The following OCA2 variants were observed in gnomAD, a reference collection of about 807,000 sequenced individuals.
OCA2 encodes P protein.
OCA2 carries 77 observed loss-of-function variants against 100.2 expected under a neutral mutation model. That is an observed-to-expected ratio of 0.77 (90% CI 0.64 to 0.93). The LOEUF is 0.93. Among genes scored for constraint, OCA2 ranks in the 40% least tolerant of loss-of-function variants. The probability of loss-of-function intolerance (pLI) is 0.00; values close to 1 mark genes in which losing one functional copy is unlikely to be tolerated. For synonymous variants in OCA2, 432 were observed against 439.2 expected, an observed-to-expected ratio of 0.98 and a Z score of 0.21; for missense variants, 1,062 against 1,089.1, an observed-to-expected ratio of 0.98 and a Z score of 0.35.
intron 9 of OCA2, among the ~76,000 whole-genome samples, chr15:28,014,098 C>CT (rs2042315702): frequency 6.6e-6 from 1 of 152,182 alleles, no homozygotes; most frequent in Non-Finnish European, 1.5e-5. Context: ...GGACGCGCCT[C>CT]TAACGGTCAC....
At position 28,015,163 on chromosome 15, in the gene OCA2, C is replaced by T. The variant is rs12438490; in HGVS notation, c.891-234G>A. ...CCCTCAGCCTTCCTGTGACACCACCCGACAATGAACAGTGAGTAGGGGCCT... is the reference window on the plus strand; with the variant it reads ...CCCTCAGCCTTCCTGTGACACCACCTGACAATGAACAGTGAGTAGGGGCCT... On this transcript the variant is annotated intron_variant, in intron 8 of 23. Transcript: ENST00000354638. Among the ~76,000 whole-genome samples, 12,318 of 152,156 alleles carry T rather than the reference C, an allele frequency of 0.081. 1,538 individuals carry two copies. Among genetic ancestry groups the T allele is most frequent in the East Asian group, 0.66 (3,374 of 5,132 alleles).
intron 19 of OCA2, among the ~76,000 whole-genome samples, chr15:27,905,467 T>C (rs1231894809): frequency 6.6e-6 from 1 of 151,714 alleles, no homozygotes; most frequent in Non-Finnish European, 1.5e-5. Context: ...ACAGAGGGGG[T>C]GCTGAGGTGA....
chr15:28,011,026 A>C (rs886668283), intron 9 of OCA2, among the ~76,000 whole-genome samples: 1 of 152,236 alleles, frequency 6.6e-6, no homozygotes, highest in Non-Finnish European at 1.5e-5. Flanking sequence ...GAGATACCCC[A>C]CAAATATGTC....
At chr15:28,094,981 C>T (rs1435827004) in intron 1 of OCA2, among the ~76,000 whole-genome samples, 1 of 152,242 alleles carries the variant, frequency 6.6e-6, no homozygotes, top group Non-Finnish European at 1.5e-5. Flanking sequence ...GGGCCCTTCT[C>T]CACTGCGTAC....
intron 23 of OCA2, among the ~76,000 whole-genome samples, chr15:27,763,040 T>C (rs1016603050): frequency 1.3e-5 from 2 of 152,322 alleles, no homozygotes; most frequent in Non-Finnish European, 2.9e-5. Context: ...ATGCCCTTTT[T>C]GACAAATACT....
intron 9 of OCA2, among the ~76,000 whole-genome samples, chr15:28,001,176 T>C (rs1313245458): frequency 1.3e-5 from 2 of 152,108 alleles, no homozygotes; most frequent in African/African-American, 4.8e-5. Flanking sequence ...TGCAACCTTA[T>C]TCACAGTAGC....
At chr15:27,764,230 T>C (rs2031078020) in intron 23 of OCA2, among the ~76,000 whole-genome samples, 2 of 139,454 alleles carry the variant, frequency 1.4e-5, no homozygotes, top group Admixed American at 7.2e-5. Flanking sequence ...GAGGGGAAAA[T>C]AGAGGGGAGA....
intron 19 of OCA2, among the ~76,000 whole-genome samples, chr15:27,876,885 A>G (rs748071694): frequency 6.6e-6 from 1 of 150,674 alleles, no homozygotes; most frequent in Non-Finnish European, 1.5e-5. Context: ...TCTGTTTCCT[A>G]CTTTGTTGAT....
chr15:28,089,251 T>C (rs2044831809), intron 1 of OCA2, among the ~76,000 whole-genome samples: 2 of 152,148 alleles, frequency 1.3e-5, no homozygotes, highest in Admixed American at 6.5e-5. Context: ...TTTAAACAAT[T>C]TGGGCAGTTA....
chr15:27,885,970 G>A (rs1219576027), intron 19 of OCA2, among the ~76,000 whole-genome samples: 3 of 152,190 alleles, frequency 2.0e-5, no homozygotes, highest in African/African-American at 2.4e-5. Flanking sequence ...AGGAACACAG[G>A]AAAGTAGTCA....
rs1475892910 is a variant in OCA2 at position 28,027,910 on chromosome 15, A to G, written c.476T>C (p.Leu159Pro). 1 of 1,613,932 alleles carries G rather than the reference A, an allele frequency of 6.2e-7. No individual in the cohort carries two copies. Among genetic ancestry groups the G allele is most frequent in the Non-Finnish European group, 8.5e-7 (1 of 1,180,026 alleles). The change falls in exon 4 of 24, where the codon CTG becomes CCG. Residue 159 changes from leucine to proline, a missense_variant. Leu to Pro is a moderately conservative substitution (Grantham distance 98, BLOSUM62 -3). Coordinates refer to ENST00000354638, the MANE Select transcript of OCA2 (RefSeq NM_000275.3). ...ACGGAGTCGGATGTGCGGGCTGTCC[A>G]GAAGGTCTCCCTTCTCGGAGGAGGC... ...ASASSEKGDL[L>P]DSPHIRLRLS...
intron 23 of OCA2, among the ~76,000 whole-genome samples, chr15:27,814,307 C>T (rs979933790): frequency 6.6e-6 from 1 of 151,974 alleles, no homozygotes; most frequent in Non-Finnish European, 1.5e-5. Flanking sequence ...AGATAGAAGA[C>T]TGAAGTGCAT....
chr15:27,809,016 C>T (rs886502955), intron 23 of OCA2, among the ~76,000 whole-genome samples: 13 of 152,150 alleles, frequency 8.5e-5, no homozygotes, highest in Admixed American at 1.3e-4. Context: ...AGCCAGTGTC[C>T]TCCACACCAT....
chr15:28,067,339 T>C (rs1441680978), intron 2 of OCA2, among the ~76,000 whole-genome samples: 2 of 151,964 alleles, frequency 1.3e-5, no homozygotes, highest in African/African-American at 4.9e-5. Context: ...ATCTTTCGTA[T>C]GGATTTTTGC....
intron 2 of OCA2, among the ~76,000 whole-genome samples, chr15:28,036,961 A>T (rs1468362694): frequency 6.6e-6 from 1 of 152,100 alleles, no homozygotes; most frequent in Non-Finnish European, 1.5e-5. Context: ...GTAACAAGGA[A>T]TACAAAGTGC....
intron 21 of OCA2, among the ~76,000 whole-genome samples, chr15:27,864,728 A>G (rs2036257488): frequency 6.6e-6 from 1 of 152,186 alleles, no homozygotes; most frequent in Non-Finnish European, 1.5e-5. Context: ...AACATTCAGG[A>G]CAAGAGTAAT....
chr15:28,075,397 G>A (rs1202670327), intron 2 of OCA2, among the ~76,000 whole-genome samples: 3 of 152,108 alleles, frequency 2.0e-5, no homozygotes, highest in African/African-American at 7.2e-5. Context: ...TATTAAAATG[G>A]CTAAAATTAA....
chr15:27,914,614 A>C (rs1236156183), intron 19 of OCA2, among the ~76,000 whole-genome samples: 2 of 152,112 alleles, frequency 1.3e-5, no homozygotes, highest in Non-Finnish European at 2.9e-5. Context: ...CATTTACATC[A>C]GCTATACAAA....
At chr15:27,897,910 G>T (rs2037773788) in intron 19 of OCA2, among the ~76,000 whole-genome samples, 1 of 152,250 alleles carries the variant, frequency 6.6e-6, no homozygotes, top group Non-Finnish European at 1.5e-5. Context: ...GCATCAGCAT[G>T]ACCCGGATGT....
Sources: allele counts gnomAD v4.1 joint callset (sites outside exome capture counted in the v4.1 genomes callset), GRCh38; gene constraint gnomAD v4.1.1; transcripts MANE v1.5; gene names NCBI Gene and HGNC (gene_info 2026-07-23, HGNC 2026-07-21).